The following ITGAM variants were observed in gnomAD, a reference collection of about 807,000 sequenced individuals.
ITGAM encodes the protein integrin alpha-M.
Under a neutral mutation model 137.5 loss-of-function variants are expected in ITGAM, and 79 were observed. The ratio of observed to expected loss-of-function variants is 0.57; its 90% CI spans 0.48 to 0.69. The LOEUF (loss-of-function observed/expected upper bound fraction) is 0.69, where lower values mean the gene tolerates loss of function less well. ITGAM is among the 30% of genes least tolerant of loss of function. The pLI, the probability that ITGAM is intolerant of heterozygous loss-of-function variation, is 0.00. For synonymous variants in ITGAM, 583 were observed against 592.3 expected (o/e 0.98, Z 0.23); for missense variants, 1,343 against 1,483.5 (o/e 0.91, Z 1.56).
chr16:31,261,761 G>A lies in ITGAM; in HGVS notation c.98G>A (p.Gly33Asp), dbSNP rs1708497064. 3.1e-6 allele frequency: 5 copies of A among 1,613,246 alleles called. No individual in the cohort carries two copies. The highest frequency in any genetic ancestry group is 1.6e-4 in the Middle Eastern group (1 of 6,062). Reference protein sequence around the residue: ...NAMTFQENARGFGQSVVQLQG... With the variant: ...NAMTFQENARDFGQSVVQLQG... ...ATGACCTTCCAAGAGAACGCAAGGG[G>A]CTTCGGGCAGAGCGTGGTCCAGCTT... Residue 33 changes from glycine to aspartate, a missense_variant, in exon 2 of 30, where the codon GGC (glycine) becomes GAC (aspartate). Transcript: ENST00000544665.
At chr16:31,281,487 A>T (rs2079968763) in intron 12 of ITGAM, among the ~76,000 whole-genome samples, 1 of 151,710 alleles carries the variant, frequency 6.6e-6, no homozygotes, top group Non-Finnish European at 1.5e-5. Flanking sequence ...TTTCTTCTAG[A>T]TTTTCTAGTT....
chr16:31,316,750 T>C (rs2080396625), intron 14 of ITGAM, among the ~76,000 whole-genome samples: 1 of 152,236 alleles, frequency 6.6e-6, no homozygotes. Flanking sequence ...ATATGGGATA[T>C]CTTTCCATTG....
intron 12 of ITGAM, among the ~76,000 whole-genome samples, chr16:31,291,988 A>G (rs545237935): frequency 1.8e-4 from 27 of 152,264 alleles, no homozygotes; most frequent in African/African-American, 5.3e-4. Context: ...GGCAACGGAT[A>G]TCCCAGTTAC....
At chr16:31,308,739 A>G (rs2144425835) in intron 14 of ITGAM, among the ~76,000 whole-genome samples, 1 of 152,300 alleles carries the variant, frequency 6.6e-6, no homozygotes, top group African/African-American at 2.4e-5. Flanking sequence ...TTTAATTGCG[A>G]TGTTAGGGTG....
At chr16:31,315,548 C>T (rs968521578) in intron 14 of ITGAM, among the ~76,000 whole-genome samples, 1 of 152,098 alleles carries the variant, frequency 6.6e-6, no homozygotes, top group Non-Finnish European at 1.5e-5. Flanking sequence ...ACCTCCACCT[C>T]CCGGGTCCCA....
chr16:31,313,547 A>C (rs1254897442), intron 14 of ITGAM, among the ~76,000 whole-genome samples: 2 of 152,174 alleles, frequency 1.3e-5, no homozygotes, highest in African/African-American at 4.8e-5. Flanking sequence ...GTCCCTGCAA[A>C]GGACATGAAC....
intron 14 of ITGAM, among the ~76,000 whole-genome samples, chr16:31,313,665 T>C (rs74364385): frequency 0.17 from 25,174 of 152,180 alleles, 2,501 homozygotes; most frequent in African/African-American, 0.27. Context: ...TCTTTGCTAT[T>C]GTAAATAGTG....
In ITGAM at chr16:31,273,385, C is replaced by T. The variant is rs749972434; in HGVS notation, c.725C>T (p.Thr242Ile). The change falls in exon 8 of 30, where the codon ACC becomes ATC. Residue 242 changes from threonine to isoleucine, a missense_variant. Coordinates refer to ENST00000544665, the MANE Select transcript of ITGAM (RefSeq NM_000632.4). Reference protein sequence around the residue: ...RKVVRELFNITNGARKNAFKI... With the variant: ...RKVVRELFNIINGARKNAFKI... ...CACAGACGAGAGCTGTTTAACATCACCAACGGAGCCCGAAAGAATGCCTTT... is the reference window on the plus strand; with the variant it reads ...CACAGACGAGAGCTGTTTAACATCATCAACGGAGCCCGAAAGAATGCCTTT... The T allele has an allele frequency of 6.2e-7, 1 of 1,613,704 alleles. No homozygotes were observed. Among genetic ancestry groups the T allele is most frequent in the Non-Finnish European group, 8.5e-7 (1 of 1,179,804 alleles).
chr16:31,318,123 T>C (rs2080410498), intron 14 of ITGAM, among the ~76,000 whole-genome samples: 1 of 152,186 alleles, frequency 6.6e-6, no homozygotes, highest in African/African-American at 2.4e-5. Context: ...AAACTTTCTA[T>C]TGCCTTATGA....
intron 6 of ITGAM, 110 bp from the exon 7 acceptor site, chr16:31,271,737 G>C: frequency 2.2e-6 from 3 of 1,335,952 alleles, no homozygotes; most frequent in Non-Finnish European, 3.1e-6. Context: ...GGGCAGCACA[G>C]AGGAGGAATT....
At chr16:31,268,147 A>C (rs2079790649) in intron 5 of ITGAM, among the ~76,000 whole-genome samples, 1 of 151,882 alleles carries the variant, frequency 6.6e-6, no homozygotes, top group South Asian at 2.1e-4. Context: ...TCCTGAGTGC[A>C]TTCTCTTCAC....
intron 14 of ITGAM, among the ~76,000 whole-genome samples, chr16:31,312,557 T>A (rs1277061235): frequency 6.6e-6 from 1 of 152,156 alleles, no homozygotes; most frequent in Middle Eastern, 3.4e-3. Flanking sequence ...CTCCTAAGTG[T>A]CTTTGACTGC....
At position 31,277,040 on chromosome 16, in the gene ITGAM, G is replaced by A; in HGVS notation, c.1204G>A (p.Ala402Thr). 6.2e-7 allele frequency: 1 copy of A among 1,610,616 alleles called. No individual in the cohort carries two copies. Among genetic ancestry groups the A allele is most frequent in the Non-Finnish European group, 8.5e-7 (1 of 1,178,222 alleles). ...CAGAGTGGATTCAGACATGAATGAT[G>A]CTTACTTGGGTAAGTGGGGAGGGCA... ...MTRVDSDMND[A>T]YLGYAAAIIL... The change falls in exon 11 of 30, where the codon GCT becomes ACT. Residue 402 changes from alanine to threonine, a missense_variant. Physicochemically the swap from Ala to Thr is moderately conservative, Grantham distance 58. Coordinates refer to ENST00000544665, the MANE Select transcript of ITGAM (RefSeq NM_000632.4).
intron 14 of ITGAM, among the ~76,000 whole-genome samples, chr16:31,313,735 T>A (rs1241609432): frequency 6.6e-6 from 1 of 152,240 alleles, no homozygotes; most frequent in East Asian, 1.9e-4. Context: ...ATCCTTTGGG[T>A]ATATACCCAG....
intron 24 of ITGAM, 103 bp downstream of exon 24, chr16:31,329,406 GGT>G: frequency 1.2e-6 from 1 of 862,130 alleles, no homozygotes; most frequent in Non-Finnish European, 1.9e-6. Flanking sequence ...AGGCACCTGT[GGT>G]GTGCCAGGCT....
At chr16:31,328,253 C>G in intron 23 of ITGAM, 23 bp downstream of exon 23, 1 of 1,578,664 alleles carries the variant, frequency 6.3e-7, no homozygotes, top group Non-Finnish European at 8.7e-7. Flanking sequence ...AGGACTTTAG[C>G]TGAGCCTCCA....
intron 3 of ITGAM, 143 bp downstream of exon 3, chr16:31,265,641 C>A: frequency 1.3e-6 from 1 of 759,432 alleles, no homozygotes; most frequent in African/African-American, 1.8e-5. Context: ...CAGTCTCTAC[C>A]CTAGACATCC....
chr16:31,321,027 A>G (rs2080443897), intron 14 of ITGAM, among the ~76,000 whole-genome samples: 1 of 152,128 alleles, frequency 6.6e-6, no homozygotes, highest in African/African-American at 2.4e-5. Flanking sequence ...AGTTTTTTTA[A>G]AAAAGAAATT....
intron 14 of ITGAM, among the ~76,000 whole-genome samples, chr16:31,318,085 A>G (rs754144662): frequency 2.9e-4 from 44 of 152,066 alleles, no homozygotes; most frequent in Non-Finnish European, 4.4e-4. Flanking sequence ...TTACTGATTC[A>G]ATTTCCTTAC....
Sources: gnomAD v4.1 joint callset for allele counts (sites outside exome capture counted in the v4.1 genomes callset) on GRCh38, gnomAD v4.1.1 for gene constraint, MANE v1.5 for transcripts, NCBI Gene and HGNC (gene_info 2026-07-23, HGNC 2026-07-21) for gene names.